TRPM3: variants seen among roughly 807,000 people sequenced by gnomAD.
The protein encoded by TRPM3 is long transient receptor potential channel 3.
Under a neutral mutation model 181.2 loss-of-function variants are expected in TRPM3, and 77 were observed. That is an observed-to-expected ratio of 0.42 (90% CI 0.35 to 0.51). TRPM3 has a LOEUF of 0.51. Among genes scored for constraint, TRPM3 ranks in the 20% least tolerant of loss-of-function variants. The pLI is 0.01. For missense variants in TRPM3, 1,759 were observed against 2,196.7 expected (o/e 0.80, Z 3.98); for synonymous variants, 745 against 796.4 (o/e 0.94, Z 1.09).
intron 8 of TRPM3, chr9:70,761,094 C>T (rs1587982281): frequency 4.2e-6 from 1 of 236,364 alleles, no homozygotes; most frequent in East Asian, 1.0e-4. Context: ...ATTTGTAAGA[C>T]ATTTTGCTCT....
At chr9:70,889,438 CCT>C (rs1564694615) in intron 1 of TRPM3, among the ~76,000 whole-genome samples, 2 of 152,180 alleles carry the variant, frequency 1.3e-5, no homozygotes, top group Non-Finnish European at 2.9e-5. Flanking sequence ...TGTTTTCTTA[CCT>C]CTGTCGGCCA....
intron 25 of TRPM3, among the ~76,000 whole-genome samples, chr9:70,544,080 A>G (rs1334205854): frequency 1.3e-5 from 2 of 152,224 alleles, no homozygotes; most frequent in Non-Finnish European, 2.9e-5. Context: ...TATGCTTTCA[A>G]TGGGTTAAAG....
chr9:71,126,723 T>C (rs1486851579), intron 1 of TRPM3, among the ~76,000 whole-genome samples: 13 of 152,200 alleles, frequency 8.5e-5, no homozygotes, highest in Admixed American at 8.5e-4. Context: ...AAAATAAAAA[T>C]ATCTCATAAC....
chr9:71,100,428 C>T, intron 1 of TRPM3, among the ~76,000 whole-genome samples: 1 of 152,096 alleles, frequency 6.6e-6, no homozygotes, highest in East Asian at 1.9e-4. Flanking sequence ...GGCAGAAACT[C>T]TAATTTTAAA....
chr9:71,327,090 A>T (rs1157332264), intron 1 of TRPM3, among the ~76,000 whole-genome samples: 8 of 152,226 alleles, frequency 5.3e-5, no homozygotes, highest in Admixed American at 5.2e-4. Flanking sequence ...ACAGATCCAG[A>T]TTAGTTGGTA....
At position 70,975,767 on chromosome 9, in the gene TRPM3, A is replaced by G. The variant is rs111469905; in HGVS notation, c.178-111256T>C. Among the ~76,000 whole-genome samples the G allele has an allele frequency of 2.8e-3, 421 of 152,316 alleles. 2 individuals are homozygous for G. The highest frequency in any genetic ancestry group is 9.7e-3 in the African/African-American group (405 of 41,582). On this transcript the variant is annotated intron_variant, in intron 1 of 25. Coordinates refer to ENST00000677713, the MANE Select transcript of TRPM3 (RefSeq NM_001366145.2). ...TAGGCAGCATGGTATTATGGAAGGAACATACTCGTTGGAACCAGATAAGGT... is the reference window on the plus strand; with the variant it reads ...TAGGCAGCATGGTATTATGGAAGGAGCATACTCGTTGGAACCAGATAAGGT...
At chr9:71,067,820 T>C (rs1326161561) in intron 1 of TRPM3, among the ~76,000 whole-genome samples, 1 of 152,200 alleles carries the variant, frequency 6.6e-6, no homozygotes, top group East Asian at 1.9e-4. Context: ...GACCACATAC[T>C]AAGATCTCCA....
At chr9:71,134,106 G>A (rs79679900) in intron 1 of TRPM3, among the ~76,000 whole-genome samples, 1,598 of 151,918 alleles carry the variant, frequency 0.011, 24 homozygotes, top group East Asian at 0.072. Context: ...GCTGATATTT[G>A]ACCAAACCAC....
intron 1 of TRPM3, among the ~76,000 whole-genome samples, chr9:71,445,383 C>T (rs139781700): frequency 5.3e-5 from 8 of 152,216 alleles, no homozygotes; most frequent in Non-Finnish European, 7.4e-5. Flanking sequence ...AAAATATTTT[C>T]GAGTACACAT....
intron 1 of TRPM3, among the ~76,000 whole-genome samples, chr9:71,429,123 CTG>C (rs1486345095): frequency 1.3e-5 from 2 of 152,168 alleles, no homozygotes; most frequent in Non-Finnish European, 2.9e-5. Context: ...TGGATCTTCA[CTG>C]TTCTCCTTAA....
chr9:70,837,816 A>G (rs1164482013), intron 5 of TRPM3, among the ~76,000 whole-genome samples: 3 of 152,230 alleles, frequency 2.0e-5, no homozygotes, highest in Non-Finnish European at 4.4e-5. Flanking sequence ...TTACAGTCAC[A>G]GATATGTGCC....
At chr9:71,417,150 T>C (rs1001561750) in intron 1 of TRPM3, among the ~76,000 whole-genome samples, 4 of 152,012 alleles carry the variant, frequency 2.6e-5, no homozygotes, top group African/African-American at 4.8e-5. Flanking sequence ...CGTGTGGTCA[T>C]ATATTTTCAC....
rs538398918 is a variant in TRPM3, at chr9:70,801,937, T to C, written c.974-17658A>G. On this transcript the variant is annotated intron_variant, in intron 6 of 25. Coordinates refer to ENST00000677713, the MANE Select transcript of TRPM3 (RefSeq NM_001366145.2). ...TGTAGAAATCTCCACTTCAAATGTCTCTCAATTTTAGCATGCATCAGAATT... is the reference window on the plus strand; with the variant it reads ...TGTAGAAATCTCCACTTCAAATGTCCCTCAATTTTAGCATGCATCAGAATT... Among the ~76,000 whole-genome samples the C allele has an allele frequency of 8.0e-4, 121 of 152,190 alleles. 1 individual carries two copies. Among genetic ancestry groups the C allele is most frequent in the Non-Finnish European group, 1.4e-3 (92 of 68,016 alleles).
intron 1 of TRPM3, among the ~76,000 whole-genome samples, chr9:71,257,145 T>C (rs2082723485): frequency 6.6e-6 from 1 of 152,132 alleles, no homozygotes; most frequent in Non-Finnish European, 1.5e-5. Flanking sequence ...GTTATCCTTC[T>C]AAAGTAATGT....
At chr9:70,672,002 T>C (rs2063050516) in intron 9 of TRPM3, among the ~76,000 whole-genome samples, 1 of 150,918 alleles carries the variant, frequency 6.6e-6, no homozygotes. Flanking sequence ...ACTCCTGACC[T>C]CAAATGATCT....
chr9:71,303,133 C>T (rs772072528), intron 1 of TRPM3, among the ~76,000 whole-genome samples: 3 of 152,070 alleles, frequency 2.0e-5, no homozygotes, highest in East Asian at 3.9e-4. Flanking sequence ...CCCACCATCA[C>T]GGTGTGATGT....
chr9:71,407,308 A>G (rs2093456019), intron 1 of TRPM3, among the ~76,000 whole-genome samples: 1 of 152,154 alleles, frequency 6.6e-6, no homozygotes, highest in Admixed American at 6.5e-5. Context: ...GGGGTTGGGG[A>G]ATTCCCTTAC....
At position 71,198,148 on chromosome 9, in the gene TRPM3, T is replaced by A. The variant is rs555781840; in HGVS notation, c.183+248505A>T. The stretch of plus-strand genomic sequence containing the variant: ...TAGGGAATCCTTTCCCCATTGCTTG[T>A]TTTTCTCAGGTTTGTCAAAGATCAG... On this transcript the variant is annotated intron_variant, in intron 1 of 24. Transcript: ENST00000357533. Among the ~76,000 whole-genome samples the A allele has an allele frequency of 9.2e-5, 14 of 151,448 alleles. No individual in the cohort carries two copies. In the South Asian group the frequency reaches 3.0e-3, roughly 32 times the overall value.
intron 8 of TRPM3, among the ~76,000 whole-genome samples, chr9:70,744,194 G>C (rs2134904414): frequency 6.6e-6 from 1 of 152,178 alleles, no homozygotes; most frequent in East Asian, 1.9e-4. Flanking sequence ...TGGGCATGGT[G>C]GTGGGTGCCT....
Sources: gnomAD v4.1 joint callset for allele counts (sites outside exome capture counted in the v4.1 genomes callset) on GRCh38, gnomAD v4.1.1 for gene constraint, MANE v1.5 for transcripts, NCBI Gene and HGNC (gene_info 2026-07-23, HGNC 2026-07-21) for gene names.